The following PLEKHA4 variants were observed in gnomAD, a reference collection of about 807,000 sequenced individuals.
The protein encoded by PLEKHA4 is pleckstrin homology domain-containing family A member 4.
PLEKHA4 carries 73 observed loss-of-function variants against 94.7 expected under a neutral mutation model. The ratio of observed to expected loss-of-function variants is 0.77; its 90% CI spans 0.64 to 0.94. PLEKHA4 has a LOEUF of 0.94. Among genes scored for constraint, PLEKHA4 ranks in the 40% least tolerant of loss-of-function variants. The pLI is 0.00. For synonymous variants in PLEKHA4, 449 were observed against 437.1 expected (o/e 1.03, Z -0.34); for missense variants, 1,049 against 1,054.1 (o/e 1.00, Z 0.07).
chr19:48,860,630 CCCCCGTCTCT>C (rs2036599624), intron 5 of PLEKHA4, among the ~76,000 whole-genome samples, 171 bp from the exon 6 acceptor site: 1 of 151,840 alleles, frequency 6.6e-6, no homozygotes, highest in Non-Finnish European at 1.5e-5. Context: ...CCTCCTTCCG[CCCCCGTCTCT>C]ACAAAAAAAT....
chr19:48,844,119 T>TTTATTATTA (rs60910939), intron 16 of PLEKHA4, among the ~76,000 whole-genome samples: 37 of 134,880 alleles, frequency 2.7e-4, no homozygotes, highest in South Asian at 5.0e-4. Context: ...CCTTATTTAT[T>TTTATTATTA]TTATTATTAT....
intron 2 of PLEKHA4, among the ~76,000 whole-genome samples, chr19:48,866,057 G>T (rs1448047386): frequency 1.3e-5 from 2 of 151,700 alleles, no homozygotes; most frequent in Non-Finnish European, 2.9e-5. Flanking sequence ...TCAAGGTGGG[G>T]GCTGAAGTTG....
Position 48,867,595 on chromosome 19 carries a change from C to G in PLEKHA4, c.26G>C (p.Ser9Thr). The G allele has an allele frequency of 1.9e-6, 3 of 1,600,772 alleles. No individual in the cohort carries two copies. Among genetic ancestry groups the G allele is most frequent in the East Asian group, 4.5e-5 (2 of 44,464 alleles). Residue 9 changes from serine to threonine, a missense_variant, in exon 2 of 20, where the codon AGC becomes ACC. Ser to Thr is a moderately conservative substitution (Grantham distance 58). Transcript: ENST00000263265. The surrounding 1 kb of genome is among the most constrained non-coding windows in gnomAD (Gnocchi z 4.7). ...GGAGGCGCTGCTGGCCAGGCTCAGG[C>G]TGCTGCGAGGTCGGCTCCCCTCCAT... MEGSRPRSSLSLASSASTI... is the reference protein window; with the variant it reads MEGSRPRSTLSLASSASTI...
chr19:48,864,188 A>G (rs1281430541), intron 3 of PLEKHA4, among the ~76,000 whole-genome samples: 1 of 138,776 alleles, frequency 7.2e-6, no homozygotes, highest in African/African-American at 2.7e-5. Flanking sequence ...TTTTTTTTTG[A>G]CATGGAGTCT....
intron 13 of PLEKHA4, among the ~76,000 whole-genome samples, chr19:48,850,510 C>CA (rs899467752): frequency 4.0e-5 from 6 of 151,252 alleles, no homozygotes; most frequent in Admixed American, 1.3e-4. Context: ...CTCACACACA[C>CA]AAAAAAAGAA....
intron 9 of PLEKHA4, among the ~76,000 whole-genome samples, chr19:48,855,578 C>A (rs1464833702): frequency 6.7e-6 from 1 of 150,352 alleles, no homozygotes; most frequent in African/African-American, 2.5e-5. Context: ...CACTCCAGCC[C>A]GGGTGACAGA....
chr19:48,854,294 A>C (rs1428436953), intron 9 of PLEKHA4, 30 bp from the exon 10 acceptor site: 1 of 1,603,336 alleles, frequency 6.2e-7, no homozygotes, highest in Non-Finnish European at 8.5e-7. Flanking sequence ...TCAGGGGTCA[A>C]AGGGGACAGG....
intron 16 of PLEKHA4, 43 bp downstream of exon 16, chr19:48,845,327 T>C (rs1193147974): frequency 6.3e-7 from 1 of 1,584,760 alleles, no homozygotes. Flanking sequence ...TGGGGGTCCC[T>C]GATGGTCAGA....
At position 48,845,464 on chromosome 19, in the gene PLEKHA4, G is replaced by C; in HGVS notation, c.1667-18C>G. 6.2e-7 allele frequency: 1 copy of C among 1,613,920 alleles called. No homozygotes were observed. Among genetic ancestry groups the C allele is most frequent in the African/African-American group, 1.3e-5 (1 of 74,984 alleles). On this transcript the variant is annotated intron_variant, in intron 15 of 19. Transcript: ENST00000263265. ...CCCAAGACCTGGAAAGACAGAACGG[G>C]ACTTGGTGAGGACGGGAATTTCCGT...
chr19:48,867,708 G>A lies in PLEKHA4; in HGVS notation c.-6-82C>T. On this transcript the variant is annotated intron_variant, in intron 1 of 19. Transcript: ENST00000263265. This position sits in a 1 kb window ranked among gnomAD's most constrained non-coding sequence, Gnocchi z 4.7. ...TGGGGTCAGGGGCTTGGAGGTCGGA[G>A]GAGGCTGCAGAGAAAGAGCCTGTTG... 1.5e-6 allele frequency: 2 copies of A among 1,314,576 alleles called. No individual in the cohort carries two copies. The highest frequency in any genetic ancestry group is 1.3e-5 in the South Asian group (1 of 78,396). 81.4% of individuals were successfully genotyped at this position (1,314,576 alleles called of 1,614,324 possible).
chr19:48,851,555 G>C (rs539543402), intron 13 of PLEKHA4, among the ~76,000 whole-genome samples: 2 of 152,128 alleles, frequency 1.3e-5, no homozygotes, highest in Admixed American at 6.6e-5. Flanking sequence ...GGCAGAGGTT[G>C]TGGTGAGCTG....
At chr19:48,848,563 C>A (rs146597170) in intron 13 of PLEKHA4, among the ~76,000 whole-genome samples, 7,926 of 150,610 alleles carry the variant, frequency 0.053, 536 homozygotes, top group African/African-American at 0.16. Context: ...GAAGCCGAGG[C>A]GGGTGGATCA....
intron 11 of PLEKHA4, 29 bp downstream of exon 11, chr19:48,853,978 C>T (rs565482746): frequency 1.4e-5 from 22 of 1,610,844 alleles, no homozygotes; most frequent in South Asian, 9.9e-5. Context: ...AGAGGCCAGG[C>T]GCCCTGTCCT....
In PLEKHA4 at chr19:48,841,294, GGCC is replaced by G; in HGVS notation, c.1757_1759del (p.Arg586del). 1 of 1,611,504 alleles carries G rather than the reference GGCC, an allele frequency of 6.2e-7. No individual in the cohort carries two copies. The highest frequency in any genetic ancestry group is 1.3e-5 in the African/African-American group (1 of 75,008). ...CAGCTGCTCCTGGGCACTCATCCGG[GGCC>G]GGGCCACCGGGGCCTAGGGAGGCGA... On this transcript the variant is annotated inframe_deletion, in exon 17 of 20. Transcript: ENST00000263265.
chr19:48,861,506 A>C lies in PLEKHA4; in HGVS notation c.266-5T>G. The C allele has an allele frequency of 6.2e-7, 1 of 1,613,932 alleles. No homozygotes were observed. Among genetic ancestry groups the C allele is most frequent in the Non-Finnish European group, 8.5e-7 (1 of 1,179,844 alleles). On this transcript the variant is annotated splice_region_variant and splice_polypyrimidine_tract_variant and intron_variant, in intron 4 of 19. Transcript: ENST00000263265. ...GGACACTCTCCTCGCGGCTGTCTGC[A>C]AAGAGGGGCTGGGGTCAAGGATCAC...
In PLEKHA4 at chr19:48,857,473, A is replaced by AT. The variant is rs1339035171; in HGVS notation, c.995dup (p.Tyr332Ter). The AT allele has an allele frequency of 6.4e-7, 1 of 1,564,952 alleles. No individual in the cohort carries two copies. Among genetic ancestry groups the AT allele is most frequent in the East Asian group, 2.4e-5 (1 of 42,406 alleles). ...CAGGGGGCCGCGGGGGGAGCTGGAGATAAGTGGGGGAGCCAGAGTGTGCCT... is the reference window on the plus strand; with the variant it reads ...CAGGGGGCCGCGGGGGGAGCTGGAGATTAAGTGGGGGAGCCAGAGTGTGCCT... ...RTQAHSGSPTYLQLPPRPPGT... is the reference protein window; with the variant it reads ...RTQAHSGSPT The change falls in exon 9 of 20, where the codon TAT (tyrosine) becomes TAAT (stop). Residue 332 changes from tyrosine to a stop codon, truncating the protein, a stop_gained and frameshift_variant. Coordinates refer to ENST00000263265, the MANE Select transcript of PLEKHA4 (RefSeq NM_020904.3). LOFTEE classifies it high-confidence loss of function.
chr19:48,862,073 G>A (rs1234425915), intron 3 of PLEKHA4, among the ~76,000 whole-genome samples: 1 of 152,078 alleles, frequency 6.6e-6, no homozygotes, highest in Non-Finnish European at 1.5e-5. Context: ...GGAGGCACAG[G>A]AGAAAGACCC....
chr19:48,863,729 C>T (rs1054980773), intron 3 of PLEKHA4, among the ~76,000 whole-genome samples: 1 of 151,982 alleles, frequency 6.6e-6, no homozygotes, highest in Admixed American at 6.6e-5. Flanking sequence ...TGAGCCACCA[C>T]GCCCAGCCTA....
chr19:48,860,526 G>T, intron 5 of PLEKHA4, 67 bp from the exon 6 acceptor site: 1 of 1,245,080 alleles, frequency 8.0e-7, no homozygotes. Context: ...GGCCGGACCG[G>T]TGACTCATTC....
Sources: allele counts gnomAD v4.1 joint callset (sites outside exome capture counted in the v4.1 genomes callset), GRCh38; gene constraint gnomAD v4.1.1; non-coding constraint Gnocchi (gnomAD v3.1); transcripts MANE v1.5; gene names NCBI Gene and HGNC (gene_info 2026-07-23, HGNC 2026-07-21).